Variants in PHF14 observed in about 807,000 individuals in gnomAD.
PHF14 encodes PHD finger protein 14.
Under a neutral mutation model 117.9 loss-of-function variants are expected in PHF14, and 55 were observed. That is an observed-to-expected ratio of 0.47 (90% CI 0.38 to 0.58). The LOEUF (loss-of-function observed/expected upper bound fraction) is 0.58, where lower values mean the gene tolerates loss of function less well. PHF14 is among the 20% of genes least tolerant of loss of function. The pLI is 0.00. For missense variants in PHF14, 978 were observed against 1,122.2 expected (o/e 0.87, Z 1.84); for synonymous variants, 409 against 368.6 (o/e 1.11, Z -1.26).
rs996700841 is a variant in PHF14 at position 10,989,829 on chromosome 7, C to T, written c.901-874C>T. On this transcript the variant is annotated intron_variant, in intron 3 of 17. Coordinates refer to ENST00000634607, the MANE Select transcript of PHF14 (RefSeq NM_001007157.2). ...AATATTTTGTAGAGACAGGATCTCA[C>T]TGTGTTGCCCAGGCTGGTCTCAAAC... Among the ~76,000 whole-genome samples the T allele has an allele frequency of 3.3e-5, 5 of 152,152 alleles. No individual in the cohort carries two copies. In the South Asian group the frequency reaches 8.3e-4, roughly 25 times the overall value.
intron 4 of PHF14, among the ~76,000 whole-genome samples, chr7:11,004,107 G>T (rs1782983280): frequency 6.6e-6 from 1 of 151,906 alleles, no homozygotes; most frequent in Non-Finnish European, 1.5e-5. Context: ...AATCAGCCAG[G>T]TGTGGTGGCT....
rs1788317989 is a variant in PHF14 at position 11,138,747 on chromosome 7, G to A, written c.2772+27280G>A. 1.3e-5 allele frequency among the ~76,000 whole-genome samples: 2 copies of A among 152,102 alleles called. 1 individual carries two copies. Among genetic ancestry groups the A allele is most frequent in the South Asian group, 4.1e-4 (2 of 4,830 alleles). ...TGCTCAAAGTCTTAACATGAGGAGT[G>A]GGAATAATGTATTTTTAATTGTATT... On this transcript the variant is annotated intron_variant, in intron 17 of 17. Transcript: ENST00000634607.
intron 4 of PHF14, among the ~76,000 whole-genome samples, chr7:11,009,447 A>G (rs1783258490): frequency 6.6e-6 from 1 of 152,196 alleles, no homozygotes; most frequent in South Asian, 2.1e-4. Flanking sequence ...GGCCATAGAA[A>G]CATGTCTTCT....
chr7:11,103,207 A>G, intron 16 of PHF14: 3 of 958,816 alleles, frequency 3.1e-6, no homozygotes, highest in Non-Finnish European at 3.7e-6. Context: ...TATTAGCATG[A>G]AATTTTTACT....
rs553860925 is a variant in PHF14 at position 11,075,947 on chromosome 7, C to T, written c.2654+13862C>T. Among the ~76,000 whole-genome samples the T allele has an allele frequency of 5.1e-3, 778 of 151,956 alleles. 2 individuals are homozygous for T. Among genetic ancestry groups the T allele is most frequent in the African/African-American group, 0.015 (639 of 41,428 alleles). ...GAGATCGAGAGCATCCTGGCTAATA[C>T]GATGAAACCCCGTCTCTACCAAAAA... is the stretch of plus-strand genomic sequence containing the variant. On this transcript the variant is annotated intron_variant, in intron 16 of 17. Transcript: ENST00000634607.
At chr7:11,124,235 C>T (rs902418250) in intron 17 of PHF14, among the ~76,000 whole-genome samples, 1 of 151,894 alleles carries the variant, frequency 6.6e-6, no homozygotes, top group Non-Finnish European at 1.5e-5. Flanking sequence ...TACATTTCTG[C>T]TCATGTTTTG....
rs1473189591 is a variant in PHF14 at position 10,988,267 on chromosome 7, G to A, written c.901-2436G>A. 5.9e-5 allele frequency among the ~76,000 whole-genome samples: 9 copies of A among 152,236 alleles called. No homozygotes were observed. In the East Asian group the frequency reaches 1.7e-3, roughly 29 times the overall value. On this transcript the variant is annotated intron_variant, in intron 3 of 17. Coordinates refer to ENST00000634607, the MANE Select transcript of PHF14 (RefSeq NM_001007157.2). ...TCTCTGCCTCTAAATGATAATAGAT[G>A]TGGAGAGAAATTGGCGTAGAGATAT...
chr7:11,163,053 A>C (rs2353791), intron 17 of PHF14, among the ~76,000 whole-genome samples: 1 of 151,926 alleles, frequency 6.6e-6, no homozygotes, highest in South Asian at 2.1e-4. Flanking sequence ...AAAAATATTT[A>C]CTATTAATAA....
chr7:11,088,102 G>A (rs2995886), intron 16 of PHF14, among the ~76,000 whole-genome samples: 77,302 of 151,908 alleles, frequency 0.51, 20,450 homozygotes, highest in East Asian at 0.85. Context: ...ATCAAAATCT[G>A]AAGATGCTCA....
rs531891522 is a variant in PHF14 at position 11,161,637 on chromosome 7, T to G, written c.2773-7779T>G. On this transcript the variant is annotated intron_variant, in intron 17 of 17. Coordinates refer to ENST00000634607, the MANE Select transcript of PHF14 (RefSeq NM_001007157.2). Reference sequence around the variant, plus strand: ...AGATAACATTTTTAAATATTATTTTTGCCTAAATATTTCAAAAGCAGGTAA... The same window carrying G: ...AGATAACATTTTTAAATATTATTTTGGCCTAAATATTTCAAAAGCAGGTAA... 2.8e-4 allele frequency among the ~76,000 whole-genome samples: 35 copies of G among 126,740 alleles called. No individual in the cohort carries two copies. The South Asian group carries it at 7.8e-3, about 28-fold the overall frequency. The allele number at this position is 126,740 out of a possible 152,430, so 83.1% of individuals were successfully genotyped here.
At chr7:11,113,890 C>T (rs1787521127) in intron 17 of PHF14, among the ~76,000 whole-genome samples, 1 of 152,088 alleles carries the variant, frequency 6.6e-6, no homozygotes. Flanking sequence ...ATATTATTAA[C>T]ATCCAAGTCA....
chr7:11,026,125 AAAG>A (rs1042486952), intron 6 of PHF14, among the ~76,000 whole-genome samples: 3 of 151,532 alleles, frequency 2.0e-5, no homozygotes, highest in Non-Finnish European at 3.0e-5. Context: ...AAAAAAAAAA[AAAG>A]AGAGAGAAAT....
chr7:11,026,795 C>A (rs1783928393), intron 6 of PHF14, among the ~76,000 whole-genome samples: 1 of 150,196 alleles, frequency 6.7e-6, no homozygotes, highest in Admixed American at 6.6e-5. Flanking sequence ...GTGTAAAGTT[C>A]CATGTACAGA....
At chr7:11,133,612 C>T (rs932311973) in intron 17 of PHF14, among the ~76,000 whole-genome samples, 4 of 151,870 alleles carry the variant, frequency 2.6e-5, no homozygotes, top group Non-Finnish European at 4.4e-5. Flanking sequence ...ACAGGAAAAG[C>T]TAATCTCCAG....
At chr7:11,093,359 G>T (rs1479267374) in intron 16 of PHF14, among the ~76,000 whole-genome samples, 1 of 152,136 alleles carries the variant, frequency 6.6e-6, no homozygotes, top group Non-Finnish European at 1.5e-5. Context: ...GGGCACACCT[G>T]TTCTTTTTCA....
At chr7:11,035,124 G>A (rs1401664451) in intron 7 of PHF14, among the ~76,000 whole-genome samples, 7 of 150,404 alleles carry the variant, frequency 4.7e-5, no homozygotes, top group African/African-American at 7.3e-5. Flanking sequence ...AAAAAAAAGC[G>A]TAATAAAAAA....
In PHF14 at chr7:11,102,092, T is replaced by C. The variant is rs1006260907; in HGVS notation, c.2655-9258T>C. On this transcript the variant is annotated intron_variant, in intron 16 of 17. Transcript: ENST00000634607. ...CACAGTTTTATGTTTTCTCAAGCGA[T>C]GTTAAATTGCCATATTTGATGAAAA... Among the ~76,000 whole-genome samples the C allele has an allele frequency of 2.6e-5, 4 of 151,982 alleles. No homozygotes were observed. In the East Asian group the frequency reaches 5.8e-4, roughly 22 times the overall value.
In PHF14 at chr7:11,084,137, ACAAC is replaced by A. The variant is rs369252666; in HGVS notation, c.2654+22055_2654+22058del. ...ACAGAACTTAAACTTCAAAGTATTT[ACAAC>A]CATTACTATTTGTTTAAAATAGAGT... On this transcript the variant is annotated intron_variant, in intron 16 of 17. Transcript: ENST00000634607. Among the ~76,000 whole-genome samples, 653 of 152,354 alleles carry A rather than the reference ACAAC, an allele frequency of 4.3e-3. 2 individuals carry two copies. The highest frequency in any genetic ancestry group is 0.015 in the African/African-American group (627 of 41,590).
intron 5 of PHF14, among the ~76,000 whole-genome samples, chr7:11,016,017 T>G (rs1044087815): frequency 6.6e-6 from 1 of 152,136 alleles, no homozygotes; most frequent in Non-Finnish European, 1.5e-5. Context: ...CTTCATGCTA[T>G]CATAATAGAC....
Sources: allele counts gnomAD v4.1 joint callset (sites outside exome capture counted in the v4.1 genomes callset), GRCh38; gene constraint gnomAD v4.1.1; transcripts MANE v1.5; gene names NCBI Gene and HGNC (gene_info 2026-07-23, HGNC 2026-07-21).